The following SCFD2 variants were observed in gnomAD, a reference collection of about 807,000 sequenced individuals.
SCFD2 encodes the protein sec1 family domain-containing protein 2.
SCFD2 carries 54 observed loss-of-function variants against 58.9 expected under a neutral mutation model. That is an observed-to-expected ratio of 0.92 (90% CI 0.74 to 1.15). The LOEUF (loss-of-function observed/expected upper bound fraction) is 1.15, where lower values mean the gene tolerates loss of function less well. SCFD2 is among the 50% of genes most tolerant of loss of function. SCFD2 has a pLI of 0.00. For synonymous variants in SCFD2, 321 were observed against 335.9 expected, an observed-to-expected ratio of 0.96 and a Z score of 0.49; for missense variants, 805 against 836.6, an observed-to-expected ratio of 0.96 and a Z score of 0.47.
At chr4:52,933,481 G>T (rs1405300949) in intron 5 of SCFD2, among the ~76,000 whole-genome samples, 1 of 152,192 alleles carries the variant, frequency 6.6e-6, no homozygotes, top group East Asian at 1.9e-4. Context: ...ACAATTTCAA[G>T]CCCACAGCTG....
At chr4:53,004,926 G>A (rs535445108) in intron 5 of SCFD2, among the ~76,000 whole-genome samples, 1 of 152,216 alleles carries the variant, frequency 6.6e-6, no homozygotes, top group African/African-American at 2.4e-5. Context: ...ACAGAGTCTC[G>A]CTCTGTCGCT....
intron 1 of SCFD2, among the ~76,000 whole-genome samples, chr4:53,354,863 G>T (rs1734356479): frequency 6.7e-6 from 1 of 149,526 alleles, no homozygotes. Flanking sequence ...ATAGCTCACT[G>T]TAGCCTTGAA....
At chr4:53,251,031 TA>T (rs1409777525) in intron 4 of SCFD2, among the ~76,000 whole-genome samples, 7 of 151,980 alleles carry the variant, frequency 4.6e-5, no homozygotes, top group Non-Finnish European at 7.4e-5. Context: ...ATAGATGCAA[TA>T]AAAAATGACA....
intron 5 of SCFD2, among the ~76,000 whole-genome samples, chr4:52,985,305 T>TCTG (rs1721463374): frequency 6.6e-6 from 1 of 152,220 alleles, no homozygotes; most frequent in Non-Finnish European, 1.5e-5. Flanking sequence ...AGTACAGTTT[T>TCTG]AGGACCTTTC....
chr4:53,036,258 G>A (rs996284468), intron 5 of SCFD2, among the ~76,000 whole-genome samples: 17 of 151,432 alleles, frequency 1.1e-4, no homozygotes, highest in Non-Finnish European at 1.5e-5. Context: ...CCCGCCCTGT[G>A]TCCATGTGTT....
chr4:52,912,737 T>C (rs1719515718), intron 6 of SCFD2, among the ~76,000 whole-genome samples: 2 of 152,224 alleles, frequency 1.3e-5, no homozygotes, highest in African/African-American at 4.8e-5. Context: ...CCCTAAATCA[T>C]GTCACTGAAA....
rs866484042 is a variant in SCFD2 at position 52,964,892 on chromosome 4, T to C, written c.1562-44022A>G. 3.3e-5 allele frequency among the ~76,000 whole-genome samples: 5 copies of C among 152,144 alleles called. 1 individual carries two copies. In the South Asian group the frequency reaches 1.0e-3, roughly 32 times the overall value. On this transcript the variant is annotated intron_variant, in intron 5 of 8. Transcript: ENST00000401642. ...TTAATTTAGTGAGTAATTTAGACAA[T>C]GGTATCAGTTCAGATCCCATCTTGC...
At chr4:53,083,155 G>A (rs184301236) in intron 5 of SCFD2, among the ~76,000 whole-genome samples, 1 of 152,170 alleles carries the variant, frequency 6.6e-6, no homozygotes, top group Admixed American at 6.5e-5. Flanking sequence ...TGAGGTGCAT[G>A]CTAGAAAAAA....
At chr4:53,347,845 A>T (rs1734100171) in intron 2 of SCFD2, among the ~76,000 whole-genome samples, 1 of 152,222 alleles carries the variant, frequency 6.6e-6, no homozygotes, top group South Asian at 2.1e-4. Context: ...TGGGAGAGAA[A>T]GATACTGAAC....
chr4:53,232,904 T>G (rs1301607203), intron 4 of SCFD2, among the ~76,000 whole-genome samples: 1 of 152,148 alleles, frequency 6.6e-6, no homozygotes, highest in Non-Finnish European at 1.5e-5. Context: ...CAGAGGGAGA[T>G]AGCAAGGCAT....
intron 1 of SCFD2, among the ~76,000 whole-genome samples, chr4:53,359,756 T>A (rs1383790270): frequency 6.6e-6 from 1 of 152,156 alleles, no homozygotes; most frequent in East Asian, 1.9e-4. Context: ...GCTTGCTGCA[T>A]CCAGAAGGGC....
intron 4 of SCFD2, among the ~76,000 whole-genome samples, chr4:53,239,511 T>A (rs1306651159): frequency 6.6e-6 from 1 of 151,972 alleles, no homozygotes; most frequent in Non-Finnish European, 1.5e-5. Flanking sequence ...TAAGACGGAG[T>A]TTCGCTCTTG....
At chr4:53,061,207 G>C (rs376521327) in intron 5 of SCFD2, among the ~76,000 whole-genome samples, 75 of 152,220 alleles carry the variant, frequency 4.9e-4, no homozygotes, top group African/African-American at 1.7e-3. Flanking sequence ...TGAAGAAAAT[G>C]CAAGATTGAA....
chr4:52,892,185 C>T (rs1306079769), intron 7 of SCFD2, among the ~76,000 whole-genome samples: 2 of 152,228 alleles, frequency 1.3e-5, no homozygotes, highest in East Asian at 3.9e-4. Flanking sequence ...TCACTCCAAA[C>T]TAAGCAAATG....
chr4:53,208,169 C>A (rs865867198), intron 4 of SCFD2, among the ~76,000 whole-genome samples: 1 of 151,254 alleles, frequency 6.6e-6, no homozygotes, highest in Non-Finnish European at 1.5e-5. Context: ...AGAGAGACAG[C>A]GTTTGCCATA....
chr4:53,062,139 A>C (rs1197234100), intron 5 of SCFD2, among the ~76,000 whole-genome samples: 1 of 151,916 alleles, frequency 6.6e-6, no homozygotes, highest in Non-Finnish European at 1.5e-5. Context: ...TGGGAGCCTG[A>C]GGTGGGCAGA....
At chr4:53,221,090 C>A (rs963647566) in intron 4 of SCFD2, among the ~76,000 whole-genome samples, 8 of 152,076 alleles carry the variant, frequency 5.3e-5, no homozygotes, top group African/African-American at 1.7e-4. Flanking sequence ...ATTTTAAGTA[C>A]CCACAATTGG....
chr4:52,920,027 G>A (rs1719697637), intron 6 of SCFD2, among the ~76,000 whole-genome samples: 1 of 152,064 alleles, frequency 6.6e-6, no homozygotes, highest in Non-Finnish European at 1.5e-5. Flanking sequence ...GCTCATCTTT[G>A]GCCACCAGGA....
chr4:53,123,292 T>A (rs531822414), intron 5 of SCFD2, among the ~76,000 whole-genome samples: 42 of 152,268 alleles, frequency 2.8e-4, no homozygotes, highest in African/African-American at 9.9e-4. Flanking sequence ...TTAAACAACA[T>A]TAGTCTAAGC....
Sources: gnomAD v4.1 joint callset for allele counts (sites outside exome capture counted in the v4.1 genomes callset) on GRCh38, gnomAD v4.1.1 for gene constraint, MANE v1.5 for transcripts, NCBI Gene and HGNC (gene_info 2026-07-23, HGNC 2026-07-21) for gene names.